Variants in CPA6 observed in about 807,000 individuals in gnomAD.
The protein encoded by CPA6 is carboxypeptidase B.
CPA6 carries 58 observed loss-of-function variants against 63.3 expected under a neutral mutation model. The ratio of observed to expected loss-of-function variants is 0.92; its 90% confidence interval spans 0.74 to 1.14. CPA6 has a LOEUF of 1.14. Among genes scored for constraint, CPA6 ranks in the 50% most tolerant of loss-of-function variants. The probability of loss-of-function intolerance (pLI) is 0.00; values close to 1 mark genes in which losing one functional copy is unlikely to be tolerated. For missense variants in CPA6, 565 were observed against 526.6 expected (o/e 1.07, Z -0.71); for synonymous variants, 185 against 179.0 (o/e 1.03, Z -0.27).
intron 2 of CPA6, among the ~76,000 whole-genome samples, chr8:67,583,098 G>A (rs936183425): frequency 2.6e-5 from 4 of 151,754 alleles, no homozygotes; most frequent in Non-Finnish European, 4.4e-5. Context: ...AGTTTAGCAC[G>A]ATGAAGTGGG....
At chr8:67,484,559 C>A in intron 7 of CPA6, 120 bp downstream of exon 7, 1 of 546,012 alleles carries the variant, frequency 1.8e-6, no homozygotes, top group Non-Finnish European at 3.3e-6. Flanking sequence ...GCCTCTTTTG[C>A]ATCTCTGGAA....
intron 7 of CPA6, 73 bp from the exon 8 acceptor site, chr8:67,483,931 A>G (rs912119662): frequency 2.8e-5 from 34 of 1,217,646 alleles, no homozygotes; most frequent in African/African-American, 1.5e-5. Flanking sequence ...TAATAGCTCA[A>G]TCAATGAAAG....
intron 2 of CPA6, among the ~76,000 whole-genome samples, chr8:67,557,458 A>T (rs1813089623): frequency 1.3e-5 from 2 of 152,198 alleles, no homozygotes; most frequent in Non-Finnish European, 2.9e-5. Context: ...TGCCTCTTAC[A>T]TACCTGTGAT....
chr8:67,701,215 ATCCTTGCT>A (rs1817017819), intron 1 of CPA6, among the ~76,000 whole-genome samples: 1 of 152,102 alleles, frequency 6.6e-6, no homozygotes. Context: ...GATAGATACA[ATCCTTGCT>A]GCCTGGAACT....
chr8:67,575,277 A>G (rs879521144), intron 2 of CPA6, among the ~76,000 whole-genome samples: 9 of 152,176 alleles, frequency 5.9e-5, no homozygotes, highest in Non-Finnish European at 1.2e-4. Context: ...ATTCTTGTAC[A>G]CTGTTGGTGG....
chr8:67,605,531 C>CTTTTTTTTTTTTTTTTTTTTGTT (rs68153641), intron 2 of CPA6, among the ~76,000 whole-genome samples: 1 of 125,268 alleles, frequency 8.0e-6, no homozygotes, highest in Non-Finnish European at 1.7e-5. Context: ...TATTGTATTG[C>CTTTTTTTTTTTTTTTTTTTTGTT]TTTTTTTTTT....
chr8:67,477,806 T>A (rs1294364531), intron 8 of CPA6, among the ~76,000 whole-genome samples: 5 of 152,228 alleles, frequency 3.3e-5, no homozygotes, highest in Non-Finnish European at 7.3e-5. Context: ...GTTCCATGCC[T>A]CTGAAATTTA....
chr8:67,652,791 A>G (rs1317395732), intron 1 of CPA6, among the ~76,000 whole-genome samples: 6 of 151,798 alleles, frequency 4.0e-5, no homozygotes, highest in South Asian at 2.1e-4. Flanking sequence ...TGCTTTTGGT[A>G]TTTTAGACAT....
intron 2 of CPA6, among the ~76,000 whole-genome samples, chr8:67,536,212 GT>G (rs1389074990): frequency 6.6e-6 from 1 of 152,132 alleles, no homozygotes; most frequent in Non-Finnish European, 1.5e-5. Flanking sequence ...ATTTAAAGTA[GT>G]TTTATCTAAT....
chr8:67,460,138 T>C (rs555900311), intron 8 of CPA6, among the ~76,000 whole-genome samples: 65 of 152,330 alleles, frequency 4.3e-4, no homozygotes, highest in Middle Eastern at 6.8e-3. Flanking sequence ...CCTTGAAATG[T>C]AGCTGGCTTG....
At chr8:67,720,151 C>T (rs958140879) in intron 1 of CPA6, among the ~76,000 whole-genome samples, 4 of 149,752 alleles carry the variant, frequency 2.7e-5, no homozygotes, top group Admixed American at 6.7e-5. Context: ...TGTTCTCTGG[C>T]GGGCAGGAGT....
At chr8:67,655,676 C>T (rs773585308) in intron 1 of CPA6, among the ~76,000 whole-genome samples, 23 of 151,974 alleles carry the variant, frequency 1.5e-4, no homozygotes, top group Non-Finnish European at 3.2e-4. Context: ...TTCAGAAGTT[C>T]CAGGAAAAGA....
intron 1 of CPA6, among the ~76,000 whole-genome samples, chr8:67,672,908 CT>C (rs141574564): frequency 1.3e-4 from 20 of 151,540 alleles, no homozygotes; most frequent in Non-Finnish European, 2.5e-4. Context: ...ATTTCACTAA[CT>C]TTTTTTTTAA....
chr8:67,531,268 G>A (rs1242490366), intron 2 of CPA6, among the ~76,000 whole-genome samples: 3 of 152,060 alleles, frequency 2.0e-5, no homozygotes, highest in African/African-American at 7.2e-5. Context: ...AAAAAGAAAT[G>A]AGGAGATATA....
chr8:67,733,168 G>C (rs1817741634), intron 1 of CPA6, among the ~76,000 whole-genome samples: 1 of 115,362 alleles, frequency 8.7e-6, no homozygotes, highest in Admixed American at 1.3e-4. Flanking sequence ...CTGCACTCCA[G>C]CCTGGGCTAC....
At chr8:67,426,199 C>T (rs1006234383) in intron 10 of CPA6, among the ~76,000 whole-genome samples, 4 of 152,170 alleles carry the variant, frequency 2.6e-5, no homozygotes, top group African/African-American at 9.7e-5. Flanking sequence ...GAACTCCTGA[C>T]CTCAGATGAT....
chr8:67,689,279 A>G (rs1468413536), intron 1 of CPA6, among the ~76,000 whole-genome samples: 1 of 152,030 alleles, frequency 6.6e-6, no homozygotes, highest in Non-Finnish European at 1.5e-5. Context: ...TTCTTCAAAA[A>G]AATTCCACTT....
intron 2 of CPA6, among the ~76,000 whole-genome samples, chr8:67,592,631 G>C (rs1165796416): frequency 4.3e-4 from 66 of 151,798 alleles, no homozygotes; most frequent in African/African-American, 1.4e-3. Flanking sequence ...TGTATGTGTC[G>C]AGGAATTTAT....
At chr8:67,580,989 G>A (rs549130424) in intron 2 of CPA6, among the ~76,000 whole-genome samples, 1 of 152,228 alleles carries the variant, frequency 6.6e-6, no homozygotes, top group African/African-American at 2.4e-5. Flanking sequence ...CAGAGCGAGG[G>A]GAGTAGCACT....
Sources: gnomAD v4.1 joint callset for allele counts (sites outside exome capture counted in the v4.1 genomes callset) on GRCh38, gnomAD v4.1.1 for gene constraint, MANE v1.5 for transcripts, NCBI Gene and HGNC (gene_info 2026-07-23, HGNC 2026-07-21) for gene names.